Variants in GRIK1 observed in about 807,000 individuals in gnomAD.
GRIK1 encodes glutamate receptor ionotropic, kainate 1.
A neutral mutation model predicts 105.7 loss-of-function variants in GRIK1; 69 were observed. The observed-to-expected ratio is 0.65, with a 90% confidence interval of 0.54 to 0.80. GRIK1 has a LOEUF of 0.80. Ranked by LOEUF, GRIK1 falls within the 30% of genes least tolerant of loss-of-function variation. The pLI is 0.00. For missense variants in GRIK1, 1,109 were observed against 1,167.3 expected, an observed-to-expected ratio of 0.95 and a Z score of 0.73; for synonymous variants, 438 against 431.3, an observed-to-expected ratio of 1.02 and a Z score of -0.19.
At chr21:29,723,405 A>G (rs1032189449) in intron 1 of GRIK1, among the ~76,000 whole-genome samples, 9 of 152,214 alleles carry the variant, frequency 5.9e-5, no homozygotes, top group African/African-American at 2.2e-4. Flanking sequence ...CATGCTTTAC[A>G]GATTTAGTAA....
At chr21:29,843,333 C>T (rs1202780645) in intron 1 of GRIK1, among the ~76,000 whole-genome samples, 1 of 152,118 alleles carries the variant, frequency 6.6e-6, no homozygotes, top group African/African-American at 2.4e-5. Flanking sequence ...TGAGGACTTA[C>T]AATGTTTGTT....
chr21:29,587,539 T>C lies in GRIK1; in HGVS notation c.1620A>G (p.Lys540=), dbSNP rs545004227. ...APLTITYVRE[K]VIDFSKPFMT... is the part of the protein sequence containing the mutation. ...TGAAGGGTTTGGAGAAGTCAATGAC[T>C]TTCTCCCGCACGTAGGTGATGGTAA... Residue 540 remains lysine (K), a synonymous_variant, in exon 12 of 18, where the codon AAA becomes AAG. Coordinates refer to ENST00000327783, the MANE Select transcript of GRIK1 (RefSeq NM_001330994.2). 1 of 1,613,328 alleles carries C rather than the reference T, an allele frequency of 6.2e-7. No homozygotes were observed. Among genetic ancestry groups the C allele is most frequent in the South Asian group, 1.1e-5 (1 of 91,068 alleles).
At chr21:29,662,271 T>C (rs1191419247) in intron 4 of GRIK1, among the ~76,000 whole-genome samples, 2 of 152,158 alleles carry the variant, frequency 1.3e-5, no homozygotes, top group Non-Finnish European at 2.9e-5. Flanking sequence ...ATTTAAGGAG[T>C]GCAGACTGTT....
chr21:29,822,413 T>C (rs2067329869), intron 1 of GRIK1, among the ~76,000 whole-genome samples: 1 of 152,054 alleles, frequency 6.6e-6, no homozygotes, highest in Non-Finnish European at 1.5e-5. Context: ...TTCATGACTT[T>C]AGCAGACAAT....
At chr21:29,556,624 T>G (rs1341269896) in intron 15 of GRIK1, among the ~76,000 whole-genome samples, 1 of 152,172 alleles carries the variant, frequency 6.6e-6, no homozygotes, top group African/African-American at 2.4e-5. Context: ...TGTGGTTATG[T>G]GACTGGTTTC....
chr21:29,857,178 A>C (rs1442837438), intron 1 of GRIK1, among the ~76,000 whole-genome samples: 1 of 152,220 alleles, frequency 6.6e-6, no homozygotes, highest in Non-Finnish European at 1.5e-5. Context: ...AGTAACGTGG[A>C]AGCAGAGAGG....
intron 7 of GRIK1, among the ~76,000 whole-genome samples, chr21:29,628,577 A>G (rs1369704744): frequency 6.6e-6 from 1 of 152,174 alleles, no homozygotes. Flanking sequence ...TTTCTTTTAC[A>G]AAAAGCTAGT....
At chr21:29,583,112 A>G (rs948472336) in intron 12 of GRIK1, among the ~76,000 whole-genome samples, 4 of 152,142 alleles carry the variant, frequency 2.6e-5, no homozygotes, top group African/African-American at 9.7e-5. Flanking sequence ...TGCCAGCATA[A>G]TGGAATCCGA....
chr21:29,560,396 C>T (rs4999995), intron 15 of GRIK1, among the ~76,000 whole-genome samples: 33,749 of 59,564 alleles, frequency 0.57, 10,299 homozygotes, highest in Admixed American at 0.63. Context: ...TTCCTTCCTT[C>T]CTTCCTTTCT....
chr21:29,679,404 G>A (rs1027019152), intron 3 of GRIK1, among the ~76,000 whole-genome samples: 3 of 152,072 alleles, frequency 2.0e-5, no homozygotes, highest in African/African-American at 7.2e-5. Context: ...CAGGGCTAGA[G>A]GCATCTGTCT....
intron 1 of GRIK1, among the ~76,000 whole-genome samples, chr21:29,923,611 A>T (rs1371965429): frequency 6.6e-6 from 1 of 152,216 alleles, no homozygotes; most frequent in Non-Finnish European, 1.5e-5. Flanking sequence ...TCAGACAAAG[A>T]TCAAAACCTT....
At chr21:29,818,548 C>A (rs1223387090) in intron 1 of GRIK1, among the ~76,000 whole-genome samples, 11 of 152,028 alleles carry the variant, frequency 7.2e-5, no homozygotes. Flanking sequence ...TGAGTCCCAC[C>A]ACTCCCCAGC....
At chr21:29,662,956 C>T (rs1197437865) in intron 4 of GRIK1, among the ~76,000 whole-genome samples, 1 of 152,078 alleles carries the variant, frequency 6.6e-6, no homozygotes, top group Non-Finnish European at 1.5e-5. Flanking sequence ...TGCTGAGAAC[C>T]ACTGATTTAT....
At chr21:29,798,197 A>T (rs891740098) in intron 1 of GRIK1, among the ~76,000 whole-genome samples, 2 of 152,150 alleles carry the variant, frequency 1.3e-5, no homozygotes, top group Non-Finnish European at 2.9e-5. Context: ...CAACCTGATA[A>T]TAAGCTTTAT....
intron 7 of GRIK1, 145 bp downstream of exon 7, chr21:29,642,681 C>A: frequency 1.5e-6 from 1 of 685,162 alleles, no homozygotes; most frequent in Non-Finnish European, 2.4e-6. Flanking sequence ...ACTTTTGACA[C>A]TGAAATCTGA....
At chr21:29,921,532 C>T (rs2071194193) in intron 1 of GRIK1, among the ~76,000 whole-genome samples, 1 of 152,156 alleles carries the variant, frequency 6.6e-6, no homozygotes, top group African/African-American at 2.4e-5. Flanking sequence ...CTTATAACAT[C>T]TAGAATTTCA....
chr21:29,547,100 G>T (rs189658980), intron 16 of GRIK1, among the ~76,000 whole-genome samples: 58 of 152,228 alleles, frequency 3.8e-4, no homozygotes, highest in African/African-American at 1.3e-3. Flanking sequence ...TCCTAGGTAC[G>T]TATCTCTTTT....
intron 4 of GRIK1, 95 bp downstream of exon 4, chr21:29,672,888 T>C: frequency 1.1e-6 from 1 of 872,014 alleles, no homozygotes; most frequent in South Asian, 1.7e-5. Context: ...TGCTGCAGTT[T>C]TATTATGCTG....
chr21:29,689,659 T>A (rs2063547804), intron 3 of GRIK1, 69 bp downstream of exon 3: 3 of 1,381,584 alleles, frequency 2.2e-6, no homozygotes, highest in Non-Finnish European at 3.1e-6. Context: ...GTTTAATGAC[T>A]ATTTGATACT....
Sources: gnomAD v4.1 joint callset for allele counts (sites outside exome capture counted in the v4.1 genomes callset) on GRCh38, gnomAD v4.1.1 for gene constraint, MANE v1.5 for transcripts, NCBI Gene and HGNC (gene_info 2026-07-23, HGNC 2026-07-21) for gene names.